IL1RAPL1: variants seen among roughly 807,000 people sequenced by gnomAD.
IL1RAPL1 encodes interleukin-1 receptor accessory protein-like 1.
A neutral mutation model predicts 48.4 loss-of-function variants in IL1RAPL1; 3 were observed. That is an observed-to-expected ratio of 0.06 (90% confidence interval 0.03 to 0.16). The LOEUF is 0.16. Ranked by LOEUF, IL1RAPL1 falls within the 10% of genes least tolerant of loss-of-function variation. The pLI is 1.00. For missense variants in IL1RAPL1, 349 were observed against 530.6 expected, an observed-to-expected ratio of 0.66 and a Z score of 3.36; for synonymous variants, 185 against 187.7, an observed-to-expected ratio of 0.99 and a Z score of 0.12.
intron 5 of IL1RAPL1, among the ~76,000 whole-genome samples, chrX:29,466,287 C>T (rs1934861598): frequency 1.8e-5 from 2 of 111,461 alleles, no homozygotes; most frequent in African/African-American, 6.5e-5. Flanking sequence ...TATTGTCCCC[C>T]AGCTGCCACA....
At chrX:29,099,127 G>A (rs1479724290) in intron 2 of IL1RAPL1, among the ~76,000 whole-genome samples, 2 of 109,474 alleles carry the variant, frequency 1.8e-5, no homozygotes, top group Non-Finnish European at 3.8e-5. Context: ...ACCCTAGCCT[G>A]GGTGACAAGA....
At position 29,823,003 on chromosome X, in the gene IL1RAPL1, T is replaced by G. The variant is rs148526165; in HGVS notation, c.779-94461T>G. On this transcript the variant is annotated intron_variant, in intron 6 of 10. Coordinates refer to ENST00000378993, the MANE Select transcript of IL1RAPL1 (RefSeq NM_014271.4). ...CAGAAAAGAATAAAGTAGCCATATG[T>G]GAAGAATAAAGTGTAAATCAATTTA... Among the ~76,000 whole-genome samples the G allele has an allele frequency of 4.9e-3, 550 of 111,875 alleles. 2 individuals carry two copies. The highest frequency in any genetic ancestry group is 0.017 in the African/African-American group (534 of 30,816).
intron 6 of IL1RAPL1, among the ~76,000 whole-genome samples, chrX:29,803,088 T>C (rs773455372): frequency 6.7e-5 from 6 of 89,413 alleles, no homozygotes; most frequent in Non-Finnish European, 1.3e-4. Flanking sequence ...TATATGTGTA[T>C]ATGTATACAT....
intron 1 of IL1RAPL1, among the ~76,000 whole-genome samples, chrX:28,673,115 C>T (rs1193008691): frequency 9.0e-6 from 1 of 111,699 alleles, no homozygotes; most frequent in African/African-American, 3.3e-5. Context: ...CATCCATGTC[C>T]CTGCAAAGCA....
At chrX:28,867,948 A>G (rs777262430) in intron 2 of IL1RAPL1, among the ~76,000 whole-genome samples, 40 of 111,990 alleles carry the variant, frequency 3.6e-4, no homozygotes, top group Non-Finnish European at 6.4e-4. Flanking sequence ...ATAAAATCTT[A>G]CACTTGTCAG....
intron 2 of IL1RAPL1, among the ~76,000 whole-genome samples, chrX:29,273,458 C>G (rs1932073644): frequency 9.0e-6 from 1 of 111,521 alleles, no homozygotes; most frequent in African/African-American, 3.3e-5. Context: ...TTTTACCGGG[C>G]CCCTGCCTTT....
intron 3 of IL1RAPL1, among the ~76,000 whole-genome samples, chrX:29,303,806 C>A: frequency 8.9e-6 from 1 of 111,861 alleles, no homozygotes; most frequent in East Asian, 2.8e-4. Flanking sequence ...TGAACAGATG[C>A]CAGTTAGTGA....
At position 29,104,910 on chromosome X, in the gene IL1RAPL1, G is replaced by A. The variant is rs778809628; in HGVS notation, c.83-178028G>A. On this transcript the variant is annotated intron_variant, in intron 2 of 10. Coordinates refer to ENST00000378993, the MANE Select transcript of IL1RAPL1 (RefSeq NM_014271.4). ...TTCACAGAATGGCTGCAGTAAGCTG[G>A]ATATTACATTCATATTTCAGGAAGA... Among the ~76,000 whole-genome samples, 99 of 111,819 alleles carry A rather than the reference G, an allele frequency of 8.9e-4. 1 individual carries two copies. The highest frequency in any genetic ancestry group is 3.1e-3 in the African/African-American group (94 of 30,809).
At chrX:29,486,399 C>T (rs1193256618) in intron 5 of IL1RAPL1, among the ~76,000 whole-genome samples, 2 of 109,864 alleles carry the variant, frequency 1.8e-5, no homozygotes, top group Non-Finnish European at 1.9e-5. Flanking sequence ...TCGAATCTCC[C>T]CAAAATAGTG....
chrX:28,785,448 C>A (rs1936464741), intron 1 of IL1RAPL1, among the ~76,000 whole-genome samples: 1 of 111,788 alleles, frequency 8.9e-6, no homozygotes. Flanking sequence ...TTTATTCTCA[C>A]AATACACAAA....
intron 1 of IL1RAPL1, among the ~76,000 whole-genome samples, chrX:28,754,151 T>C (rs1936080526): frequency 9.0e-6 from 1 of 111,499 alleles, no homozygotes; most frequent in Non-Finnish European, 1.9e-5. Flanking sequence ...CCTCCTTTGC[T>C]CATCACCTTG....
intron 2 of IL1RAPL1, among the ~76,000 whole-genome samples, chrX:29,123,276 C>T (rs754704940): frequency 3.2e-4 from 36 of 110,788 alleles, no homozygotes; most frequent in Non-Finnish European, 5.7e-4. Flanking sequence ...GTGATCCACC[C>T]GCCTCAGCCT....
At chrX:29,002,916 T>TACACACACACACAC (rs371924976) in intron 2 of IL1RAPL1, among the ~76,000 whole-genome samples, 54 of 103,002 alleles carry the variant, frequency 5.2e-4, no homozygotes, top group Middle Eastern at 5.1e-3. Context: ...GTTATGTGTG[T>TACACACACACACAC]ACACACACAC....
chrX:29,429,424 C>A (rs1264244006), intron 5 of IL1RAPL1, among the ~76,000 whole-genome samples: 3 of 112,221 alleles, frequency 2.7e-5, no homozygotes, highest in Non-Finnish European at 3.8e-5. Flanking sequence ...TGAGAAAAAC[C>A]TTGTTAACTT....
chrX:29,633,955 A>G (rs1461613933), intron 5 of IL1RAPL1, among the ~76,000 whole-genome samples: 1 of 111,580 alleles, frequency 9.0e-6, no homozygotes, highest in African/African-American at 3.3e-5. Flanking sequence ...CCTGGGTGAC[A>G]TGCCATTTTG....
chrX:29,010,359 T>G (rs1926093087), intron 2 of IL1RAPL1, among the ~76,000 whole-genome samples: 1 of 111,765 alleles, frequency 8.9e-6, no homozygotes. Flanking sequence ...TTTGACAGTT[T>G]AGTATGATGT....
At position 29,246,510 on chromosome X, in the gene IL1RAPL1, C is replaced by G. The variant is rs926175098; in HGVS notation, c.83-36428C>G. On this transcript the variant is annotated intron_variant, in intron 2 of 10. Coordinates refer to ENST00000378993, the MANE Select transcript of IL1RAPL1 (RefSeq NM_014271.4). ...CCAGTATGGCTGCTTTGAATGATTGCCATGGAATTTTTTCCCTCTTCTTTC... is the reference window on the plus strand; with the variant it reads ...CCAGTATGGCTGCTTTGAATGATTGGCATGGAATTTTTTCCCTCTTCTTTC... 4.8e-4 allele frequency among the ~76,000 whole-genome samples: 53 copies of G among 110,860 alleles called. 1 individual carries two copies. Among genetic ancestry groups the G allele is most frequent in the Non-Finnish European group, 8.1e-4 (43 of 52,985 alleles).
intron 3 of IL1RAPL1, among the ~76,000 whole-genome samples, chrX:29,394,370 T>G (rs922051832): frequency 5.3e-5 from 6 of 112,160 alleles, no homozygotes; most frequent in Non-Finnish European, 3.8e-5. Context: ...TTGAAGTGGC[T>G]TATGTGACTT....
chrX:28,859,925 ATATAAATTTGAAATAAGTTATGGCATT>A (rs1364890083), intron 2 of IL1RAPL1, among the ~76,000 whole-genome samples: 8 of 111,057 alleles, frequency 7.2e-5, no homozygotes, highest in Non-Finnish European at 5.7e-5. Context: ...TATTGTTATA[ATATAAATTTGAAATAAGTTATGGCATT>A]TATGTTTTTA....
Sources: gnomAD v4.1 joint callset for allele counts (sites outside exome capture counted in the v4.1 genomes callset) on GRCh38, gnomAD v4.1.1 for gene constraint, MANE v1.5 for transcripts, NCBI Gene and HGNC (gene_info 2026-07-23, HGNC 2026-07-21) for gene names.